RABEP1: variants seen among roughly 807,000 people sequenced by gnomAD.
The protein encoded by RABEP1 is rabaptin, RAB GTPase binding effector protein 1.
RABEP1 carries 51 observed loss-of-function variants against 123.4 expected under a neutral mutation model. That is an observed-to-expected ratio of 0.41 (90% CI 0.33 to 0.52). The LOEUF is 0.52. Among genes scored for constraint, RABEP1 ranks in the 20% least tolerant of loss-of-function variants. RABEP1 has a pLI of 0.16. For missense variants in RABEP1, 888 were observed against 996.3 expected (o/e 0.89, Z 1.46); for synonymous variants, 347 against 355.2 (o/e 0.98, Z 0.26).
intron 3 of RABEP1, among the ~76,000 whole-genome samples, chr17:5,333,280 A>C (rs1405688931): frequency 1.3e-5 from 2 of 152,072 alleles, no homozygotes; most frequent in African/African-American, 4.8e-5. Flanking sequence ...CTCCTGCCTC[A>C]GTCTCTCAAG....
intron 6 of RABEP1, 65 bp downstream of exon 6, chr17:5,346,990 A>G (rs1427475730): frequency 2.0e-5 from 25 of 1,246,758 alleles, no homozygotes; most frequent in African/African-American, 3.1e-5. Flanking sequence ...GATGTTGACT[A>G]ATAACAGTGA....
chr17:5,336,398 C>A, intron 4 of RABEP1: 1 of 449,478 alleles, frequency 2.2e-6, no homozygotes, highest in South Asian at 1.6e-5. Flanking sequence ...AGCTAATAAG[C>A]CTCTATCAAT....
chr17:5,287,496 G>A (rs755166509), intron 1 of RABEP1, among the ~76,000 whole-genome samples: 5 of 150,922 alleles, frequency 3.3e-5, no homozygotes, highest in Non-Finnish European at 7.4e-5. Flanking sequence ...CTACTTGGGA[G>A]GCTGAGGCAG....
At chr17:5,313,357 T>G (rs2075263836) in intron 2 of RABEP1, among the ~76,000 whole-genome samples, 1 of 152,220 alleles carries the variant, frequency 6.6e-6, no homozygotes, top group African/African-American at 2.4e-5. Flanking sequence ...CCTTTACCTC[T>G]TATACCAAAA....
At chr17:5,316,939 C>G (rs1007001215) in intron 2 of RABEP1, among the ~76,000 whole-genome samples, 3 of 151,092 alleles carry the variant, frequency 2.0e-5, no homozygotes, top group Non-Finnish European at 4.4e-5. Flanking sequence ...AAGTCTTGCT[C>G]TGTCACCCAG....
chr17:5,282,639 G>GCCT, intron 1 of RABEP1, 119 bp downstream of exon 1: 4 of 640,358 alleles, frequency 6.2e-6, no homozygotes, highest in Non-Finnish European at 7.8e-6. Flanking sequence ...GGGTGACCCC[G>GCCT]CCGGGCGGAG....
chr17:5,282,516 T>C lies in RABEP1; in HGVS notation c.30T>C (p.Pro10=). The part of the protein sequence containing the change: MAQPGPASQ[P]DVSLQQRVAE... ...CGCAGCCGGGCCCGGCTTCCCAGCC[T>C]GACGGTGAGGCGCCCACCATGGCAG... The change falls in exon 1 of 18, where the codon CCT becomes CCC. Residue 10 remains proline (P), a synonymous_variant. Transcript: ENST00000537505. 8.1e-7 allele frequency: 1 copy of C among 1,241,398 alleles called. No homozygotes were observed. Among genetic ancestry groups the C allele is most frequent in the South Asian group, 3.2e-5 (1 of 30,980 alleles). 76.9% of individuals were successfully genotyped at this position (1,241,398 alleles called of 1,614,324 possible).
intron 5 of RABEP1, among the ~76,000 whole-genome samples, chr17:5,338,585 T>A (rs1295811391): frequency 6.6e-6 from 1 of 152,062 alleles, no homozygotes; most frequent in South Asian, 2.1e-4. Context: ...AAAAAATAAA[T>A]TTAAATGCAA....
rs146585957 is a variant in RABEP1, at chr17:5,299,719, C to CTTTTTTTTTTTTTTTTTTTTTTTTTTT, written c.35-8970_35-8969insTTTTTTTTTTTTTTTTTTTTTTTTTTT. ...TCATTTCTTTTTCTTTTTTTCTTTT[C>CTTTTTTTTTTTTTTTTTTTTTTTTTTT]TTTTTCTTTTTCTTTTTTTTTTTTT... On this transcript the variant is annotated intron_variant, in intron 1 of 17. Transcript: ENST00000537505. 2.8e-4 allele frequency among the ~76,000 whole-genome samples: 28 copies of CTTTTTTTTTTTTTTTTTTTTTTTTTTT among 98,828 alleles called. 3 individuals are homozygous for CTTTTTTTTTTTTTTTTTTTTTTTTTTT. Among genetic ancestry groups the CTTTTTTTTTTTTTTTTTTTTTTTTTTT allele is most frequent in the Admixed American group, 6.2e-4 (5 of 8,014 alleles). 64.8% of individuals were successfully genotyped at this position (98,828 alleles called of 152,430 possible).
At chr17:5,292,031 G>A (rs1441475415) in intron 1 of RABEP1, among the ~76,000 whole-genome samples, 2 of 152,194 alleles carry the variant, frequency 1.3e-5, no homozygotes, top group Non-Finnish European at 2.9e-5. Context: ...ATTAATCTTT[G>A]ATCTCATCTT....
chr17:5,288,338 T>G (rs985856204), intron 1 of RABEP1, among the ~76,000 whole-genome samples: 2 of 152,082 alleles, frequency 1.3e-5, no homozygotes, highest in African/African-American at 4.8e-5. Flanking sequence ...CTTAGAGGTG[T>G]ACGGGAACCC....
intron 5 of RABEP1, among the ~76,000 whole-genome samples, chr17:5,342,142 T>A (rs12602528): frequency 0.14 from 21,068 of 152,106 alleles, 1,526 homozygotes; most frequent in East Asian, 0.17. Context: ...ACTAAGATAA[T>A]TGTTTTTCTA....
intron 15 of RABEP1, 112 bp from the exon 16 acceptor site, chr17:5,380,252 C>A: frequency 1.5e-6 from 1 of 665,934 alleles, no homozygotes; most frequent in Non-Finnish European, 2.5e-6. Flanking sequence ...AGGAGTATTC[C>A]CAGTGTAGCC....
chr17:5,375,451 G>A (rs569814829), intron 13 of RABEP1, among the ~76,000 whole-genome samples: 1 of 152,176 alleles, frequency 6.6e-6, no homozygotes, highest in Non-Finnish European at 1.5e-5. Flanking sequence ...TAGCACTTTG[G>A]GAGGCCAAGG....
At chr17:5,315,831 C>T (rs970108964) in intron 2 of RABEP1, among the ~76,000 whole-genome samples, 1 of 151,900 alleles carries the variant, frequency 6.6e-6, no homozygotes, top group Admixed American at 6.6e-5. Context: ...CAGCCTGGGC[C>T]ACAGAGTGAG....
At chr17:5,329,019 CTTTTTTTT>C (rs760060600) in intron 2 of RABEP1, among the ~76,000 whole-genome samples, 1 of 110,658 alleles carries the variant, frequency 9.0e-6, no homozygotes, top group South Asian at 3.0e-4. Context: ...TTCAGAAAGA[CTTTTTTTT>C]TTTTTTTTTT....
At chr17:5,294,631 G>GTTTTTTTTTTTTT in intron 1 of RABEP1, among the ~76,000 whole-genome samples, 1 of 50,124 alleles carries the variant, frequency 2.0e-5, no homozygotes, top group Non-Finnish European at 4.8e-5. Context: ...AAACGGTATT[G>GTTTTTTTTTTTTT]TCTTTTTTTT....
intron 15 of RABEP1, among the ~76,000 whole-genome samples, chr17:5,379,773 C>T (rs1040400990): frequency 1.3e-5 from 2 of 152,164 alleles, no homozygotes; most frequent in African/African-American, 2.4e-5. Context: ...ACATTAGAAA[C>T]TTGTTCGCGT....
chr17:5,310,172 CTG>C (rs375376004), intron 2 of RABEP1, among the ~76,000 whole-genome samples: 24 of 152,004 alleles, frequency 1.6e-4, no homozygotes, highest in African/African-American at 5.3e-4. Flanking sequence ...CTTATGAACT[CTG>C]TAAAATATAT....
Sources: allele counts gnomAD v4.1 joint callset (sites outside exome capture counted in the v4.1 genomes callset), GRCh38; gene constraint gnomAD v4.1.1; transcripts MANE v1.5; gene names NCBI Gene and HGNC (gene_info 2026-07-23, HGNC 2026-07-21).